Variants in ACAA2 observed in about 807,000 individuals in gnomAD.
ACAA2 encodes 3-ketoacyl-CoA thiolase, mitochondrial.
ACAA2 carries 35 observed loss-of-function variants against 44.8 expected under a neutral mutation model. The ratio of observed to expected loss-of-function variants is 0.78; its 90% CI spans 0.60 to 1.04. The LOEUF is 1.04. Ranked by LOEUF, ACAA2 falls within the 50% of genes least tolerant of loss-of-function variation. The pLI is 0.00. For missense variants in ACAA2, 468 were observed against 482.6 expected, an observed-to-expected ratio of 0.97 and a Z score of 0.28; for synonymous variants, 142 against 166.5, an observed-to-expected ratio of 0.85 and a Z score of 1.13.
intron 1 of ACAA2, among the ~76,000 whole-genome samples, chr18:49,803,850 C>T (rs2023583860): frequency 6.6e-6 from 1 of 151,716 alleles, no homozygotes; most frequent in Non-Finnish European, 1.5e-5. Flanking sequence ...AGTAAGAGGG[C>T]ATACTCTACT....
Position 49,787,272 on chromosome 18 carries a change from A to G in ACAA2, c.954+19T>C. ...TTATTCATGTTGTTAAAAAAAAAAAAAAAAAAAAAAACACTTACCTCTACC... is the reference window on the plus strand; with the variant it reads ...TTATTCATGTTGTTAAAAAAAAAAAGAAAAAAAAAAACACTTACCTCTACC... On this transcript the variant is annotated intron_variant, in intron 8 of 9. Coordinates refer to ENST00000285093, the MANE Select transcript of ACAA2 (RefSeq NM_006111.3). 1 of 1,356,772 alleles carries G rather than the reference A, an allele frequency of 7.4e-7. No individual in the cohort carries two copies. Among genetic ancestry groups the G allele is most frequent in the Non-Finnish European group, 9.7e-7 (1 of 1,027,496 alleles). The allele number at this position is 1,356,772 out of a possible 1,614,324, so 84.0% of individuals were successfully genotyped here. A position where few individuals can be genotyped will look rare whatever the true frequency, so the allele number is the denominator to read the frequency against.
At chr18:49,801,140 T>C (rs1411746025) in intron 2 of ACAA2, among the ~76,000 whole-genome samples, 3 of 152,198 alleles carry the variant, frequency 2.0e-5, no homozygotes, top group Non-Finnish European at 2.9e-5. Context: ...TAAAACTCAA[T>C]TAGAAAAGCA....
At position 49,783,958 on chromosome 18, in the gene ACAA2, C is replaced by T. The variant is rs538735633; in HGVS notation, c.1110-27G>A. On this transcript the variant is annotated intron_variant, in intron 9 of 9. Transcript: ENST00000285093. ...TGAAAAAGAAAGCAGTGACTGAAAT[C>T]TACTCTAATAAAAAATCAGATTAAT... 1.9e-6 allele frequency: 3 copies of T among 1,586,816 alleles called. No individual in the cohort carries two copies. In the East Asian group the frequency reaches 6.7e-5, roughly 35 times the overall value.
chr18:49,783,994 T>A, intron 9 of ACAA2, 63 bp from the exon 10 acceptor site: 1 of 1,306,558 alleles, frequency 7.7e-7, no homozygotes, highest in Non-Finnish European at 1.1e-6. Flanking sequence ...GAAATAGAAC[T>A]AATAACATCA....
At chr18:49,791,205 AATAAGAT>A (rs1173021112) in intron 7 of ACAA2, among the ~76,000 whole-genome samples, 1 of 152,230 alleles carries the variant, frequency 6.6e-6, no homozygotes, top group Non-Finnish European at 1.5e-5. Context: ...TCAAAGGAAC[AATAAGAT>A]ATAATTACTG....
At chr18:49,799,635 AC>A (rs1168452265) in intron 2 of ACAA2, among the ~76,000 whole-genome samples, 1 of 150,786 alleles carries the variant, frequency 6.6e-6, no homozygotes, top group Non-Finnish European at 1.5e-5. Flanking sequence ...CCCGGCTGCC[AC>A]CCCGTCTGGG....
intron 1 of ACAA2, among the ~76,000 whole-genome samples, chr18:49,808,503 T>A (rs2023633814): frequency 1.3e-5 from 2 of 152,210 alleles, no homozygotes; most frequent in Admixed American, 1.3e-4. Flanking sequence ...TTTCCTTAAG[T>A]GTCGGCCGGT....
chr18:49,785,678 T>C lies in ACAA2; in HGVS notation c.955-327A>G, dbSNP rs144727356. On this transcript the variant is annotated intron_variant, in intron 8 of 9. Transcript: ENST00000285093. Reference sequence around the variant, plus strand: ...ATGGTTCAAATATTGGCTATACCATTTGTTAGGGTGTGACCTTATGCATAT... The same window carrying C: ...ATGGTTCAAATATTGGCTATACCATCTGTTAGGGTGTGACCTTATGCATAT... The C allele has an allele frequency of 1.1e-3, 338 of 297,470 alleles. 1 individual carries two copies. The highest frequency in any genetic ancestry group is 3.1e-3 in the Middle Eastern group (3 of 956). 18.4% of individuals were successfully genotyped at this position (297,470 alleles called of 1,614,324 possible).
chr18:49,810,491 TG>T (rs1434286113), intron 1 of ACAA2, among the ~76,000 whole-genome samples: 3 of 152,108 alleles, frequency 2.0e-5, no homozygotes, highest in African/African-American at 7.2e-5. Context: ...GTGCTAGTAG[TG>T]AAATATGCAA....
chr18:49,798,106 C>G (rs534968132), intron 2 of ACAA2, among the ~76,000 whole-genome samples: 24 of 152,236 alleles, frequency 1.6e-4, no homozygotes, highest in African/African-American at 5.5e-4. Flanking sequence ...CTGGAATAAC[C>G]TAGGAAGCTT....
chr18:49,784,652 G>A (rs1315191089), intron 9 of ACAA2, among the ~76,000 whole-genome samples: 1 of 152,058 alleles, frequency 6.6e-6, no homozygotes, highest in Non-Finnish European at 1.5e-5. Context: ...TTTCTACAGA[G>A]CAAAATATTC....
intron 1 of ACAA2, chr18:49,803,093 A>G: frequency 1.9e-6 from 1 of 534,676 alleles, no homozygotes; most frequent in Non-Finnish European, 3.3e-6. Context: ...CTGTTAAGGA[A>G]GAAGACCACC....
chr18:49,794,341 G>GTGTT lies in ACAA2; in HGVS notation c.512_515dup (p.His172GlnfsTer10). ...TGTCACATTCTTCTCTGCTTATTTTGTGTTTTACAGCAAGATTCTCTGCAG... is the reference window on the plus strand; with the variant it reads ...TGTCACATTCTTCTCTGCTTATTTTGTGTTTGTTTTACAGCAAGATTCTCTGCAG... On this transcript the variant is annotated frameshift_variant, in exon 5 of 10. Coordinates refer to ENST00000285093, the MANE Select transcript of ACAA2 (RefSeq NM_006111.3). LOFTEE classifies it high-confidence loss of function. 6.2e-7 allele frequency: 1 copy of GTGTT among 1,610,710 alleles called. No homozygotes were observed. The highest frequency in any genetic ancestry group is 1.1e-5 in the South Asian group (1 of 90,816).
intron 1 of ACAA2, chr18:49,811,318 C>A (rs553312955): frequency 6.6e-6 from 1 of 152,224 alleles, no homozygotes; most frequent in South Asian, 2.1e-4. Flanking sequence ...CAGGCAGCAA[C>A]GAGGGCAAAT....
At chr18:49,802,622 G>C in intron 2 of ACAA2, 65 bp downstream of exon 2, 1 of 1,439,936 alleles carries the variant, frequency 6.9e-7, no homozygotes, top group Non-Finnish European at 9.4e-7. Context: ...ATATGTTAAA[G>C]GAATTATTTT....
intron 5 of ACAA2, 136 bp from the exon 6 acceptor site, chr18:49,792,463 GAGATGGAGTCTC>G: frequency 1.2e-6 from 1 of 840,528 alleles, no homozygotes; most frequent in Non-Finnish European, 1.8e-6. Flanking sequence ...ATTAATTTTT[GAGATGGAGTCTC>G]ACATTGTCGC....
At chr18:49,812,399 T>A (rs1343326264) in intron 1 of ACAA2, among the ~76,000 whole-genome samples, 1 of 152,200 alleles carries the variant, frequency 6.6e-6, no homozygotes, top group Non-Finnish European at 1.5e-5. Flanking sequence ...GGCATCATCA[T>A]GAACACGGTT....
chr18:49,794,536 A>G, intron 4 of ACAA2, 109 bp from the exon 5 acceptor site: 1 of 896,298 alleles, frequency 1.1e-6, no homozygotes, highest in Non-Finnish European at 1.5e-6. Context: ...AGTAAAATTA[A>G]GACTTTCTGA....
chr18:49,805,075 C>T (rs554608457), intron 1 of ACAA2, among the ~76,000 whole-genome samples: 1 of 152,344 alleles, frequency 6.6e-6, no homozygotes, highest in East Asian at 1.9e-4. Flanking sequence ...TTCATGCTAG[C>T]ACTTTGCATA....
Sources: gnomAD v4.1 joint callset for allele counts (sites outside exome capture counted in the v4.1 genomes callset) on GRCh38, gnomAD v4.1.1 for gene constraint, MANE v1.5 for transcripts, NCBI Gene and HGNC (gene_info 2026-07-23, HGNC 2026-07-21) for gene names.